Variants in EPSTI1 observed in about 807,000 individuals in gnomAD.
The protein encoded by EPSTI1 is epithelial stromal interaction 1.
EPSTI1 carries 66 observed loss-of-function variants against 49.9 expected under a neutral mutation model. That is an observed-to-expected ratio of 1.32 (90% confidence interval 1.08 to 1.62). EPSTI1 has a LOEUF of 1.62. EPSTI1 is among the 40% of genes most tolerant of loss of function. The pLI is 0.00. For missense variants in EPSTI1, 394 were observed against 365.5 expected (o/e 1.08, Z -0.64); for synonymous variants, 137 against 130.7 (o/e 1.05, Z -0.33).
In EPSTI1 at chr13:42,984,918, A is replaced by G. The variant is rs541614791; in HGVS notation, c.188+7060T>C. The stretch of plus-strand genomic sequence containing the variant: ...CCCAATCTGCATAGACAGCATGCCA[A>G]CAACAGACATAAATAAGATGTCTAA... On this transcript the variant is annotated intron_variant, in intron 1 of 10. Transcript: ENST00000313624. Among the ~76,000 whole-genome samples, 23 of 152,338 alleles carry G rather than the reference A, an allele frequency of 1.5e-4. No individual in the cohort carries two copies. In the South Asian group the frequency reaches 3.3e-3, roughly 22 times the overall value.
chr13:42,970,514 G>T, intron 2 of EPSTI1, 98 bp downstream of exon 2: 4 of 1,059,546 alleles, frequency 3.8e-6, no homozygotes, highest in Non-Finnish European at 5.4e-6. Context: ...GATTTGGTGA[G>T]TCTATATAAA....
At chr13:42,974,858 T>C (rs573104655) in intron 1 of EPSTI1, among the ~76,000 whole-genome samples, 1 of 152,280 alleles carries the variant, frequency 6.6e-6, no homozygotes, top group Admixed American at 6.5e-5. Flanking sequence ...CTGCACCAGA[T>C]GTAATTTAAA....
Position 42,935,565 on chromosome 13 carries a change from C to T in EPSTI1, c.564-9136G>A, listed in dbSNP as rs558720810. ...AGCTTCATCCTACCGAATTCTTCTA[C>T]TCCATTTCACTCATAAATTCTTTTT... is the stretch of plus-strand genomic sequence containing the variant. On this transcript the variant is annotated intron_variant, in intron 6 of 10. Transcript: ENST00000313624. Among the ~76,000 whole-genome samples the T allele has an allele frequency of 4.6e-5, 7 of 152,230 alleles. No homozygotes were observed. The South Asian group carries it at 1.5e-3, about 32-fold the overall frequency.
intron 6 of EPSTI1, among the ~76,000 whole-genome samples, chr13:42,929,051 T>C (rs2038277740): frequency 6.6e-6 from 1 of 152,322 alleles, no homozygotes; most frequent in East Asian, 1.9e-4. Flanking sequence ...AAGCAGTCTA[T>C]GCTTTTTGTG....
intron 7 of EPSTI1, among the ~76,000 whole-genome samples, chr13:42,924,178 G>T (rs1188661874): frequency 6.6e-6 from 1 of 152,232 alleles, no homozygotes; most frequent in East Asian, 1.9e-4. Context: ...AATGAGAAGA[G>T]TATAATATGG....
At chr13:42,904,234 TG>T (rs1223824526) in intron 8 of EPSTI1, among the ~76,000 whole-genome samples, 1 of 152,014 alleles carries the variant, frequency 6.6e-6, no homozygotes, top group Admixed American at 6.6e-5. Context: ...TCCCAGAAAG[TG>T]GGTAAGGACT....
intron 6 of EPSTI1, among the ~76,000 whole-genome samples, chr13:42,953,695 A>C (rs912090460): frequency 2.0e-5 from 3 of 152,248 alleles, no homozygotes; most frequent in Admixed American, 1.3e-4. Flanking sequence ...TGGATCACCA[A>C]AGGATCAAGT....
chr13:42,969,234 G>T, intron 2 of EPSTI1, 57 bp from the exon 3 acceptor site: 6 of 1,537,830 alleles, frequency 3.9e-6, no homozygotes, highest in Non-Finnish European at 5.3e-6. Context: ...AAGAAAACCA[G>T]TCCCTTCAAA....
chr13:42,926,753 T>C (rs1182762920), intron 6 of EPSTI1, among the ~76,000 whole-genome samples: 1 of 152,140 alleles, frequency 6.6e-6, no homozygotes, highest in Non-Finnish European at 1.5e-5. Flanking sequence ...AGCCCTAATT[T>C]CCTATCTGAA....
intron 7 of EPSTI1, 34 bp from the exon 8 acceptor site, chr13:42,917,658 A>AAC (rs1491310876): frequency 2.1e-6 from 3 of 1,401,262 alleles, no homozygotes; most frequent in Admixed American, 4.3e-5. Flanking sequence ...AAAAAAAAAA[A>AAC]ACAACTTGAT....
intron 1 of EPSTI1, among the ~76,000 whole-genome samples, chr13:42,984,847 G>A (rs2040050327): frequency 6.6e-6 from 1 of 152,198 alleles, no homozygotes; most frequent in South Asian, 2.1e-4. Flanking sequence ...ATTAGGAAAT[G>A]TTTTTCTGGG....
intron 6 of EPSTI1, among the ~76,000 whole-genome samples, chr13:42,927,807 T>C (rs1047747776): frequency 2.2e-4 from 33 of 152,168 alleles, no homozygotes; most frequent in African/African-American, 7.0e-4. Context: ...ACTAATGAAG[T>C]CACAGAGTGT....
chr13:42,973,026 G>T (rs2039803108), intron 1 of EPSTI1, among the ~76,000 whole-genome samples: 1 of 152,164 alleles, frequency 6.6e-6, no homozygotes, highest in South Asian at 2.1e-4. Flanking sequence ...TTAAAGAATA[G>T]GATCTGAAAT....
At chr13:42,986,173 C>T (rs77538925) in intron 1 of EPSTI1, among the ~76,000 whole-genome samples, 2,556 of 152,296 alleles carry the variant, frequency 0.017, 20 homozygotes, top group Middle Eastern at 0.027. Context: ...GCAGCTGGGG[C>T]CGTCAGCTGA....
chr13:42,901,900 A>G (rs376197711), intron 8 of EPSTI1, among the ~76,000 whole-genome samples: 94 of 151,700 alleles, frequency 6.2e-4, no homozygotes, highest in African/African-American at 1.8e-3. Flanking sequence ...ATATCTCCCA[A>G]TGCTATCCCT....
chr13:42,929,424 A>T (rs903183197), intron 6 of EPSTI1, among the ~76,000 whole-genome samples: 2 of 152,208 alleles, frequency 1.3e-5, no homozygotes, highest in Non-Finnish European at 2.9e-5. Context: ...AATCCAGAGC[A>T]ACTCCCTGCC....
intron 10 of EPSTI1, among the ~76,000 whole-genome samples, chr13:42,889,973 C>T (rs2036980048): frequency 6.6e-6 from 1 of 152,164 alleles, no homozygotes; most frequent in South Asian, 2.1e-4. Flanking sequence ...TGTAAGTACT[C>T]AATTGTCCCC....
At chr13:42,945,345 G>A (rs1356097998) in intron 6 of EPSTI1, among the ~76,000 whole-genome samples, 1 of 152,072 alleles carries the variant, frequency 6.6e-6, no homozygotes, top group Admixed American at 6.5e-5. Context: ...ATTACCTCCG[G>A]CCAGGTCCCT....
intron 1 of EPSTI1, among the ~76,000 whole-genome samples, chr13:42,985,067 T>C (rs2040053788): frequency 6.6e-6 from 1 of 151,972 alleles, no homozygotes; most frequent in African/African-American, 2.4e-5. Context: ...AGGATGAAAG[T>C]GGGAGCAGGG....
Sources: allele counts gnomAD v4.1 joint callset (sites outside exome capture counted in the v4.1 genomes callset), GRCh38; gene constraint gnomAD v4.1.1; transcripts MANE v1.5; gene names NCBI Gene and HGNC (gene_info 2026-07-23, HGNC 2026-07-21).